The following XKR4 variants were observed in gnomAD, a reference collection of about 807,000 sequenced individuals.
The protein encoded by XKR4 is XK related 4.
Under a neutral mutation model 53.9 loss-of-function variants are expected in XKR4, and 12 were observed. The ratio of observed to expected loss-of-function variants is 0.22; its 90% CI spans 0.14 to 0.36. XKR4 has a LOEUF of 0.36. XKR4 is among the 10% of genes least tolerant of loss of function. The pLI, the probability that XKR4 is intolerant of heterozygous loss-of-function variation, is 1.00. For missense variants in XKR4, 799 were observed against 859.5 expected, an observed-to-expected ratio of 0.93 and a Z score of 0.88; for synonymous variants, 354 against 362.4, an observed-to-expected ratio of 0.98 and a Z score of 0.26.
chr8:55,476,752 C>T (rs1156669915), intron 2 of XKR4, among the ~76,000 whole-genome samples: 2 of 152,136 alleles, frequency 1.3e-5, no homozygotes, highest in African/African-American at 4.8e-5. Flanking sequence ...ATATCCCGCA[C>T]CTGGCTCAGA....
intron 1 of XKR4, among the ~76,000 whole-genome samples, chr8:55,167,254 G>A (rs949792311): frequency 6.6e-6 from 1 of 152,206 alleles, no homozygotes; most frequent in Non-Finnish European, 1.5e-5. Context: ...CTGTACTTGG[G>A]TATACTAAGA....
intron 1 of XKR4, among the ~76,000 whole-genome samples, chr8:55,205,422 G>A (rs1045013748): frequency 3.3e-5 from 5 of 152,072 alleles, no homozygotes; most frequent in African/African-American, 9.7e-5. Context: ...TTTTTATAAC[G>A]AGAGGCTGCA....
intron 1 of XKR4, among the ~76,000 whole-genome samples, chr8:55,314,898 G>A (rs997808977): frequency 2.0e-5 from 3 of 152,188 alleles, no homozygotes; most frequent in Non-Finnish European, 4.4e-5. Context: ...TCTGTGGTTG[G>A]AGAGGTCCAC....
chr8:55,481,081 A>G (rs1243297275), intron 2 of XKR4, among the ~76,000 whole-genome samples: 2 of 152,170 alleles, frequency 1.3e-5, no homozygotes, highest in African/African-American at 2.4e-5. Context: ...AAAAGAGCCC[A>G]CATTGCCAAG....
intron 2 of XKR4, among the ~76,000 whole-genome samples, chr8:55,371,597 A>C (rs1804070887): frequency 6.6e-6 from 1 of 152,188 alleles, no homozygotes; most frequent in Non-Finnish European, 1.5e-5. Flanking sequence ...AAGACTCATC[A>C]CCAACAACTT....
chr8:55,134,567 G>C (rs1816598532), intron 1 of XKR4, among the ~76,000 whole-genome samples: 1 of 152,122 alleles, frequency 6.6e-6, no homozygotes, highest in African/African-American at 2.4e-5. Context: ...CATTTTCCTG[G>C]GTGTCTCTTA....
At chr8:55,125,615 C>G (rs1032042046) in intron 1 of XKR4, among the ~76,000 whole-genome samples, 8 of 152,180 alleles carry the variant, frequency 5.3e-5, no homozygotes, top group African/African-American at 1.9e-4. Flanking sequence ...AAGCCATAAA[C>G]AGTCCAAAGA....
Position 55,530,155 on chromosome 8 carries a change from G to GAAGGAAGGAAGGAAGGAAGGAA in XKR4, c.*5928_*5929insAAGGAAGGAAGGAAGGAAGGAA, listed in dbSNP as rs1806928881. 7 of 20,156 alleles carry GAAGGAAGGAAGGAAGGAAGGAA rather than the reference G, an allele frequency of 3.5e-4. No individual in the cohort carries two copies. Among genetic ancestry groups the GAAGGAAGGAAGGAAGGAAGGAA allele is most frequent in the Admixed American group, 3.4e-3 (7 of 2,046 alleles). The allele number at this position is 20,156 out of a possible 1,614,324, so 1.2% of individuals were successfully genotyped here. A position where few individuals can be genotyped will look rare whatever the true frequency, so the allele number is the denominator to read the frequency against. ...AGGGAGGGAAGGAAGAAGGAAGGAA[G>GAAGGAAGGAAGGAAGGAAGGAA]GAAGGAAGGAAGGAAGGAAGGAAGG... On this transcript the variant is annotated 3_prime_UTR_variant, in exon 3 of 3. Transcript: ENST00000327381.
chr8:55,479,859 A>ACT (rs201959061), intron 2 of XKR4, among the ~76,000 whole-genome samples: 2,440 of 152,246 alleles, frequency 0.016, 65 homozygotes, highest in African/African-American at 0.056. Flanking sequence ...GAAGAAGTTG[A>ACT]CTCTCTGAAT....
intron 2 of XKR4, among the ~76,000 whole-genome samples, chr8:55,435,325 A>G (rs556895096): frequency 6.6e-6 from 1 of 152,254 alleles, no homozygotes; most frequent in African/African-American, 2.4e-5. Flanking sequence ...AGAATTGAGT[A>G]CAATGAAGGA....
intron 1 of XKR4, among the ~76,000 whole-genome samples, chr8:55,241,928 G>A (rs920519025): frequency 6.6e-6 from 1 of 152,068 alleles, no homozygotes; most frequent in Non-Finnish European, 1.5e-5. Flanking sequence ...ACAGCAAGAT[G>A]ACAATAATAA....
rs1248567315 is a variant in XKR4 at position 55,276,901 on chromosome 8, A to T, written c.807-80777A>T. On this transcript the variant is annotated intron_variant, in intron 1 of 2. Transcript: ENST00000327381. ...AATAAATCCAGTCAGACAAACGAAA[A>T]GATAAATTCAATTTTAGGTAAAGCC... Among the ~76,000 whole-genome samples, 3 of 152,214 alleles carry T rather than the reference A, an allele frequency of 2.0e-5. No homozygotes were observed. The East Asian group carries it at 5.8e-4, about 29-fold the overall frequency.
chr8:55,246,778 G>A (rs1054690875), intron 1 of XKR4, among the ~76,000 whole-genome samples: 8 of 151,506 alleles, frequency 5.3e-5, no homozygotes, highest in African/African-American at 1.9e-4. Flanking sequence ...CAATGACTCA[G>A]AGTCGTTCTT....
chr8:55,239,812 T>C (rs1047751009), intron 1 of XKR4, among the ~76,000 whole-genome samples: 4 of 152,202 alleles, frequency 2.6e-5, no homozygotes, highest in African/African-American at 9.6e-5. Context: ...CTTTCAAAAG[T>C]GGCCTCCTAC....
chr8:55,225,663 A>G (rs935689436), intron 1 of XKR4, among the ~76,000 whole-genome samples: 1 of 152,216 alleles, frequency 6.6e-6, no homozygotes, highest in African/African-American at 2.4e-5. Flanking sequence ...AAACCATCAC[A>G]TTCTTAGTGA....
intron 1 of XKR4, among the ~76,000 whole-genome samples, chr8:55,264,319 G>A (rs929593102): frequency 7.2e-5 from 11 of 152,100 alleles, no homozygotes; most frequent in African/African-American, 2.2e-4. Context: ...TTGGTTTATT[G>A]TTTTTCTTTC....
intron 2 of XKR4, among the ~76,000 whole-genome samples, chr8:55,464,089 C>T (rs1007775176): frequency 2.0e-5 from 3 of 152,142 alleles, no homozygotes; most frequent in African/African-American, 7.2e-5. Flanking sequence ...CTATTCCAAT[C>T]TATAGAAAAA....
At chr8:55,325,341 C>T (rs918580160) in intron 1 of XKR4, among the ~76,000 whole-genome samples, 9 of 152,062 alleles carry the variant, frequency 5.9e-5, no homozygotes, top group Admixed American at 5.9e-4. Context: ...CTATACTGCA[C>T]TAACCTTTGA....
intron 2 of XKR4, among the ~76,000 whole-genome samples, chr8:55,412,022 T>C (rs1804785148): frequency 2.0e-5 from 3 of 152,186 alleles, no homozygotes; most frequent in Admixed American, 2.0e-4. Flanking sequence ...TTTTAACCTC[T>C]TTATGGCAGT....
Sources: gnomAD v4.1 joint callset for allele counts (sites outside exome capture counted in the v4.1 genomes callset) on GRCh38, gnomAD v4.1.1 for gene constraint, MANE v1.5 for transcripts, NCBI Gene and HGNC (gene_info 2026-07-23, HGNC 2026-07-21) for gene names.